The following POTEE variants were observed in gnomAD, a reference collection of about 807,000 sequenced individuals.
POTEE encodes the protein POTE ankyrin domain family member E.
POTEE carries 21 observed loss-of-function variants against 74.2 expected under a neutral mutation model. The observed-to-expected ratio is 0.28, with a 90% CI of 0.20 to 0.41. POTEE has a LOEUF of 0.41. Among genes scored for constraint, POTEE ranks in the 10% least tolerant of loss-of-function variants. The pLI, the probability that POTEE is intolerant of heterozygous loss-of-function variation, is 1.00. For synonymous variants in POTEE, 211 were observed against 432.8 expected, an observed-to-expected ratio of 0.49 and a Z score of 6.36; for missense variants, 525 against 1,158.6, an observed-to-expected ratio of 0.45 and a Z score of 7.94.
At chr2:131,215,568 T>C (rs1020510806) in intron 2 of POTEE, among the ~76,000 whole-genome samples, 7 of 150,428 alleles carry the variant, frequency 4.7e-5, no homozygotes, top group African/African-American at 1.7e-4. Context: ...AATGATAATG[T>C]AGGAATTAAC....
intron 1 of POTEE, among the ~76,000 whole-genome samples, chr2:131,210,296 G>A (rs1700329847): frequency 9.8e-6 from 1 of 102,470 alleles, no homozygotes; most frequent in Non-Finnish European, 1.9e-5. Context: ...CAGGTTGTGG[G>A]CACTATCGGG....
At chr2:131,230,698 C>T (rs991939221) in intron 8 of POTEE, 138 bp from the exon 9 acceptor site, 12 of 748,134 alleles carry the variant, frequency 1.6e-5, no homozygotes, top group African/African-American at 1.6e-4. Context: ...AGAATGTATT[C>T]ATAAGTGGAT....
chr2:131,232,607 G>A (rs1190301627), intron 9 of POTEE, among the ~76,000 whole-genome samples: 28 of 148,908 alleles, frequency 1.9e-4, no homozygotes, highest in Non-Finnish European at 3.7e-4. Context: ...ATAGAAATGA[G>A]TAGGTCTTAT....
At chr2:131,221,400 G>C (rs1486666935) in intron 4 of POTEE, among the ~76,000 whole-genome samples, 2 of 152,162 alleles carry the variant, frequency 1.3e-5, no homozygotes, top group African/African-American at 2.4e-5. Context: ...GCTCGTGTTA[G>C]CTGAAAACAT....
At chr2:131,237,594 G>A (rs532314998) in intron 10 of POTEE, among the ~76,000 whole-genome samples, 15 of 151,334 alleles carry the variant, frequency 9.9e-5, no homozygotes, top group Admixed American at 2.6e-4. Context: ...CTGGACTTAC[G>A]CAGATAATCT....
chr2:131,214,395 C>G (rs1480082618), intron 2 of POTEE, among the ~76,000 whole-genome samples: 1 of 152,162 alleles, frequency 6.6e-6, no homozygotes, highest in Admixed American at 6.5e-5. Flanking sequence ...AATTGTTGTC[C>G]TAAAGTAGAA....
At position 131,218,361 on chromosome 2, in the gene POTEE, A is replaced by G. The variant is rs1700498600; in HGVS notation, c.-42A>G. On this transcript the variant is annotated 5_prime_UTR_variant, in exon 4 of 18. Transcript: ENST00000683005. Reference sequence around the variant, plus strand: ...TTGGTGAAACTGGTTGGTAGACGCGATCTGTTGGCTACTACTGGCTTCTCC... The same window carrying G: ...TTGGTGAAACTGGTTGGTAGACGCGGTCTGTTGGCTACTACTGGCTTCTCC... 6.2e-7 allele frequency: 1 copy of G among 1,609,676 alleles called. No individual in the cohort carries two copies. The highest frequency in any genetic ancestry group is 8.5e-7 in the Non-Finnish European group (1 of 1,178,248).
In POTEE at chr2:131,218,774, T is replaced by C. The variant is rs567196786; in HGVS notation, c.372T>C (p.Asp124=). 1.1e-4 allele frequency: 180 copies of C among 1,612,720 alleles called. No homozygotes were observed. Among genetic ancestry groups the C allele is most frequent in the Admixed American group, 2.0e-4 (12 of 59,992 alleles). ...KSKVGAWGDY[D]DSAFMEPRYH... is the part of the protein sequence containing the mutation. Reference sequence around the variant, plus strand: ...AGGTGGGCGCTTGGGGAGACTACGATGACAGCGCCTTCATGGAGCCCAGGT... The same window carrying C: ...AGGTGGGCGCTTGGGGAGACTACGACGACAGCGCCTTCATGGAGCCCAGGT... Residue 124 remains aspartate, a synonymous_variant, in exon 4 of 18, where the codon GAT becomes GAC. Coordinates refer to ENST00000683005, the MANE Select transcript of POTEE (RefSeq NM_001083538.3).
intron 4 of POTEE, among the ~76,000 whole-genome samples, chr2:131,221,286 G>A (rs1700609169): frequency 6.6e-6 from 1 of 152,168 alleles, no homozygotes; most frequent in South Asian, 2.1e-4. Context: ...TGTAACTATT[G>A]AGGTTGTCAG....
rs757354622 is a variant in POTEE, at chr2:131,218,360, G to A, written c.-43G>A. The A allele has an allele frequency of 1.1e-5, 17 of 1,609,468 alleles. No homozygotes were observed. Among genetic ancestry groups the A allele is most frequent in the African/African-American group, 2.7e-5 (2 of 74,642 alleles). On this transcript the variant is annotated 5_prime_UTR_variant, in exon 4 of 18. Coordinates refer to ENST00000683005, the MANE Select transcript of POTEE (RefSeq NM_001083538.3). ...GTTGGTGAAACTGGTTGGTAGACGCGATCTGTTGGCTACTACTGGCTTCTC... is the reference window on the plus strand; with the variant it reads ...GTTGGTGAAACTGGTTGGTAGACGCAATCTGTTGGCTACTACTGGCTTCTC...
chr2:131,264,257 C>T lies in POTEE; in HGVS notation c.2802C>T (p.Ser934=), dbSNP rs1286805313. 1.9e-6 allele frequency: 3 copies of T among 1,614,292 alleles called. No individual in the cohort carries two copies. Among genetic ancestry groups the T allele is most frequent in the Non-Finnish European group, 2.5e-6 (3 of 1,180,056 alleles). ...AGATGGCCACGGCGGCCTCCAGCTC[C>T]TCCCTAGAGAAGAGCTACGAGCTGC... ...EQEMATAASS[S]SLEKSYELPD... Residue 934 remains serine, a synonymous_variant, in exon 18 of 18, where the codon TCC becomes TCT. Transcript: ENST00000683005.
intron 9 of POTEE, among the ~76,000 whole-genome samples, chr2:131,236,006 C>T (rs991019605): frequency 1.3e-5 from 2 of 152,030 alleles, no homozygotes; most frequent in Non-Finnish European, 2.9e-5. Context: ...TTCGCAACAG[C>T]TCAGCAGATT....
At chr2:131,221,319 T>C (rs1188798573) in intron 4 of POTEE, among the ~76,000 whole-genome samples, 3 of 152,150 alleles carry the variant, frequency 2.0e-5, no homozygotes, top group Non-Finnish European at 4.4e-5. Context: ...TATGTCGACA[T>C]GCAAAGATGT....
At chr2:131,225,552 A>G (rs1419728531) in intron 6 of POTEE, among the ~76,000 whole-genome samples, 5 of 133,450 alleles carry the variant, frequency 3.7e-5, no homozygotes, top group Non-Finnish European at 8.2e-5. Flanking sequence ...AATCTTTCCA[A>G]TAACATTAAT....
chr2:131,220,960 C>A (rs867153356), intron 4 of POTEE, among the ~76,000 whole-genome samples: 531 of 116,638 alleles, frequency 4.6e-3, no homozygotes, highest in Middle Eastern at 8.3e-3. Context: ...GACTCCATCT[C>A]AAAAAAAAAA....
intron 4 of POTEE, among the ~76,000 whole-genome samples, chr2:131,222,101 T>C (rs1313928326): frequency 6.6e-6 from 1 of 152,232 alleles, no homozygotes; most frequent in Admixed American, 6.5e-5. Context: ...TTTCTGAAGG[T>C]AGAAAATAGT....
chr2:131,239,319 A>T lies in POTEE; in HGVS notation c.1284A>T (p.Gly428=). The part of the protein sequence containing the change: ...EMKKHESNNV[G]LLENLTNGVT... ...AGAAGCATGAAAGTAATAATGTGGG[A>T]TTACTAGAAAACCTGACTAATGGTG... The change falls in exon 12 of 18, where the codon GGA becomes GGT. Residue 428 remains glycine, a synonymous_variant. Coordinates refer to ENST00000683005, the MANE Select transcript of POTEE (RefSeq NM_001083538.3). 1 of 86,766 alleles carries T rather than the reference A, an allele frequency of 1.2e-5. No homozygotes were observed. The highest frequency in any genetic ancestry group is 7.6e-5 in the South Asian group (1 of 13,196). 5.4% of individuals were successfully genotyped at this position (86,766 alleles called of 1,614,324 possible).
intron 3 of POTEE, among the ~76,000 whole-genome samples, 140 bp downstream of exon 3, chr2:131,217,823 T>C (rs1700482862): frequency 1.3e-5 from 2 of 150,092 alleles, no homozygotes; most frequent in African/African-American, 5.0e-5. Flanking sequence ...TTGTAACGGC[T>C]TGCACGCGCA....
At chr2:131,226,007 G>A (rs1199254189) in intron 6 of POTEE, among the ~76,000 whole-genome samples, 4 of 152,142 alleles carry the variant, frequency 2.6e-5, no homozygotes, top group Non-Finnish European at 5.9e-5. Flanking sequence ...AGGATTTTGT[G>A]TCTCTTTGTT....
Sources: allele counts gnomAD v4.1 joint callset (sites outside exome capture counted in the v4.1 genomes callset), GRCh38; gene constraint gnomAD v4.1.1; transcripts MANE v1.5; gene names NCBI Gene and HGNC (gene_info 2026-07-23, HGNC 2026-07-21).